The following SGCD variants were observed in gnomAD, a reference collection of about 807,000 sequenced individuals.
SGCD encodes delta-sarcoglycan.
SGCD carries 18 observed loss-of-function variants against 36.6 expected under a neutral mutation model. That is an observed-to-expected ratio of 0.49 (90% CI 0.34 to 0.73). The LOEUF is 0.73. Among genes scored for constraint, SGCD ranks in the 30% least tolerant of loss-of-function variants. The pLI is 0.01. For missense variants in SGCD, 387 were observed against 346.7 expected (o/e 1.12, Z -0.92); for synonymous variants, 133 against 130.6 (o/e 1.02, Z -0.12).
In SGCD at chr5:156,762,239, CAA is replaced by C. The variant is rs1481222397; in HGVS notation, c.*2851_*2852del. 5.2e-5 allele frequency: 8 copies of C among 152,560 alleles called. No homozygotes were observed. Among genetic ancestry groups the C allele is most frequent in the African/African-American group, 1.4e-4 (6 of 41,424 alleles). 9.5% of individuals were successfully genotyped at this position (152,560 alleles called of 1,614,324 possible). A position where few individuals can be genotyped will look rare whatever the true frequency, so the allele number is the denominator to read the frequency against. On this transcript the variant is annotated 3_prime_UTR_variant, in exon 9 of 9. Coordinates refer to ENST00000337851, the MANE Select transcript of SGCD (RefSeq NM_000337.6). ...GTATATTAAACAGCTGGTATCATAACAAAGAATCCAAATGAACCTTCAATATA... is the reference window on the plus strand; with the variant it reads ...GTATATTAAACAGCTGGTATCATAACAGAATCCAAATGAACCTTCAATATA...
At chr5:156,616,467 T>C (rs1473015495) in intron 6 of SGCD, among the ~76,000 whole-genome samples, 2 of 152,186 alleles carry the variant, frequency 1.3e-5, no homozygotes, top group Non-Finnish European at 2.9e-5. Flanking sequence ...AGTAGTCAGA[T>C]GTATGAGCAT....
intron 1 of SGCD, among the ~76,000 whole-genome samples, chr5:156,100,900 T>G (rs986901532): frequency 1.3e-5 from 2 of 152,148 alleles, no homozygotes; most frequent in East Asian, 3.9e-4. Context: ...TTGTGTGCCC[T>G]CCCCACATTT....
At chr5:156,256,435 A>G (rs1765719472) in intron 3 of SGCD, among the ~76,000 whole-genome samples, 1 of 152,152 alleles carries the variant, frequency 6.6e-6, no homozygotes, top group African/African-American at 2.4e-5. Flanking sequence ...GTATCTACTC[A>G]TTTACGTAGT....
intron 7 of SGCD, among the ~76,000 whole-genome samples, chr5:156,757,263 CAAAAAAAAAAAAAA>C (rs34767809): frequency 1.4e-5 from 1 of 69,392 alleles, no homozygotes; most frequent in African/African-American, 5.8e-5. Context: ...CTTACTTTTA[CAAAAAAAAAAAAAA>C]AAAAAAAAAA....
At chr5:156,536,885 G>A (rs1483641947) in intron 4 of SGCD, among the ~76,000 whole-genome samples, 2 of 151,948 alleles carry the variant, frequency 1.3e-5, no homozygotes, top group Non-Finnish European at 1.5e-5. Context: ...TGGTTGTCTG[G>A]GCCCTCATCA....
At chr5:156,595,211 A>G (rs186179009) in intron 6 of SGCD, among the ~76,000 whole-genome samples, 160 bp downstream of exon 6, 46 of 152,136 alleles carry the variant, frequency 3.0e-4, no homozygotes, top group Non-Finnish European at 4.3e-4. Context: ...TTGAGGGGTA[A>G]TTAAGTCATG....
intron 6 of SGCD, among the ~76,000 whole-genome samples, chr5:156,595,852 G>T (rs1388979084): frequency 6.6e-6 from 1 of 152,192 alleles, no homozygotes. Flanking sequence ...AAAAATATTT[G>T]CAGAAATTTC....
chr5:156,594,911 C>T, intron 5 of SGCD, 21 bp from the exon 6 acceptor site: 1 of 1,532,038 alleles, frequency 6.5e-7, no homozygotes, highest in South Asian at 1.2e-5. Flanking sequence ...CTCTATCTCT[C>T]TATCTCTCTA....
chr5:156,527,291 C>T (rs1757684643), intron 4 of SGCD, among the ~76,000 whole-genome samples: 1 of 151,944 alleles, frequency 6.6e-6, no homozygotes, highest in African/African-American at 2.4e-5. Context: ...AGAAAAAAAA[C>T]ATAAACTATA....
chr5:156,523,515 T>G (rs1461302494), intron 4 of SGCD, among the ~76,000 whole-genome samples: 2 of 152,168 alleles, frequency 1.3e-5, no homozygotes, highest in Non-Finnish European at 2.9e-5. Context: ...TAAGTCAGCT[T>G]ATGACAGAAG....
the SGCD span, among the ~76,000 whole-genome samples, chr5:155,861,665 C>T: frequency 6.6e-6 from 1 of 152,008 alleles, no homozygotes; most frequent in Non-Finnish European, 1.5e-5. Context: ...TTGCAGTGAG[C>T]CAAGATTGTG....
At chr5:156,496,170 C>A (rs574157853) in intron 3 of SGCD, among the ~76,000 whole-genome samples, 15 of 152,156 alleles carry the variant, frequency 9.9e-5, no homozygotes, top group Non-Finnish European at 1.9e-4. Context: ...GTACAAATGA[C>A]CTTAATGTTT....
intron 2 of SGCD, 77 bp from the exon 3 acceptor site, chr5:156,344,411 AT>A (rs80276463): frequency 8.0e-5 from 76 of 946,770 alleles, no homozygotes; most frequent in Non-Finnish European, 1.0e-4. Flanking sequence ...TCATCAGTTG[AT>A]TTTTTTTTCC....
chr5:156,322,016 C>T (rs1309659347), upstream of SGCD, among the ~76,000 whole-genome samples: 1 of 152,162 alleles, frequency 6.6e-6, no homozygotes, highest in Non-Finnish European at 1.5e-5. Flanking sequence ...GTGGCCCTCT[C>T]TGTATGACCT....
intron 1 of SGCD, among the ~76,000 whole-genome samples, chr5:156,026,315 C>T (rs1759225653): frequency 6.6e-6 from 1 of 152,126 alleles, no homozygotes; most frequent in Admixed American, 6.5e-5. Context: ...TGGAGACAAT[C>T]AAATAATTAC....
chr5:156,574,014 A>C (rs1759827022), intron 4 of SGCD, among the ~76,000 whole-genome samples: 2 of 152,086 alleles, frequency 1.3e-5, no homozygotes, highest in South Asian at 2.1e-4. Context: ...TTTAATACTA[A>C]ATACTGTTAG....
At chr5:156,136,869 T>G (rs1015438650) in intron 3 of SGCD, among the ~76,000 whole-genome samples, 3 of 152,224 alleles carry the variant, frequency 2.0e-5, no homozygotes. Flanking sequence ...AACAGTAGAT[T>G]TGATTTTTAA....
intron 3 of SGCD, among the ~76,000 whole-genome samples, chr5:156,445,744 T>C (rs1753730310): frequency 6.6e-6 from 1 of 152,236 alleles, no homozygotes; most frequent in African/African-American, 2.4e-5. Flanking sequence ...AATGGATTTA[T>C]CCATGTAAAA....
intron 1 of SGCD, among the ~76,000 whole-genome samples, chr5:155,888,762 G>GT (rs1756061788): frequency 6.6e-6 from 1 of 152,154 alleles, no homozygotes; most frequent in Non-Finnish European, 1.5e-5. Context: ...GAGGAGAAGG[G>GT]TGGGAGAAGG....
Sources: allele counts gnomAD v4.1 joint callset (sites outside exome capture counted in the v4.1 genomes callset), GRCh38; gene constraint gnomAD v4.1.1; transcripts MANE v1.5; gene names NCBI Gene and HGNC (gene_info 2026-07-23, HGNC 2026-07-21).